SHISA9: variants seen among roughly 807,000 people sequenced by gnomAD.
SHISA9 encodes shisa family member 9.
A neutral mutation model predicts 38.0 loss-of-function variants in SHISA9; 13 were observed. That is an observed-to-expected ratio of 0.34 (90% CI 0.22 to 0.54). The LOEUF (loss-of-function observed/expected upper bound fraction) is 0.54, where lower values mean the gene tolerates loss of function less well. Ranked by LOEUF, SHISA9 falls within the 20% of genes least tolerant of loss-of-function variation. SHISA9 has a pLI of 0.91. For synonymous variants in SHISA9, 275 were observed against 242.0 expected, an observed-to-expected ratio of 1.14 and a Z score of -1.27; for missense variants, 538 against 575.8, an observed-to-expected ratio of 0.93 and a Z score of 0.67.
chr16:13,288,480 A>G, the SHISA9 span, among the ~76,000 whole-genome samples: 17 of 152,176 alleles, frequency 1.1e-4, no homozygotes, highest in African/African-American at 4.1e-4. Context: ...AGAGAGACAA[A>G]GAGAGACAGA....
chr16:13,499,281 T>C, the SHISA9 span, among the ~76,000 whole-genome samples: 5 of 152,066 alleles, frequency 3.3e-5, no homozygotes, highest in Non-Finnish European at 5.9e-5. Flanking sequence ...CCACCAAAAA[T>C]AGGAAAATGA....
At chr16:13,189,937 C>T (rs750204543) in intron 2 of SHISA9, among the ~76,000 whole-genome samples, 5 of 151,906 alleles carry the variant, frequency 3.3e-5, no homozygotes, top group South Asian at 2.1e-4. Flanking sequence ...AGGAGAGGGA[C>T]GCAGAGGGAG....
chr16:13,503,407 T>C, the SHISA9 span, among the ~76,000 whole-genome samples: 1 of 152,236 alleles, frequency 6.6e-6, no homozygotes, highest in Admixed American at 6.5e-5. Flanking sequence ...CATGATTCTA[T>C]GAATTGCTTA....
chr16:12,937,012 C>G (rs138191714), intron 2 of SHISA9, among the ~76,000 whole-genome samples: 1 of 152,088 alleles, frequency 6.6e-6, no homozygotes, highest in African/African-American at 2.4e-5. Context: ...CACAGGATAT[C>G]CCCCAAGTAA....
chr16:13,430,888 C>A, the SHISA9 span, among the ~76,000 whole-genome samples: 11 of 149,026 alleles, frequency 7.4e-5, no homozygotes, highest in East Asian at 2.2e-3. Flanking sequence ...CACTGCACTC[C>A]ATCCTGGGCA....
At chr16:12,994,837 C>G (rs984349223) in intron 2 of SHISA9, among the ~76,000 whole-genome samples, 1 of 152,110 alleles carries the variant, frequency 6.6e-6, no homozygotes, top group Admixed American at 6.6e-5. Context: ...ATAGAGGTCC[C>G]ATTTACTATG....
At chr16:13,174,313 G>C (rs984595835) in intron 2 of SHISA9, among the ~76,000 whole-genome samples, 7 of 152,108 alleles carry the variant, frequency 4.6e-5, no homozygotes, top group African/African-American at 1.7e-4. Context: ...GCTGGGCTCT[G>C]GGAACCCAGA....
At chr16:13,440,253 C>T in the SHISA9 span, among the ~76,000 whole-genome samples, 1 of 152,192 alleles carries the variant, frequency 6.6e-6, no homozygotes, top group South Asian at 2.1e-4. Context: ...CATTTGTATA[C>T]CCTCTAATTC....
chr16:13,425,762 T>C, the SHISA9 span, among the ~76,000 whole-genome samples: 7 of 152,376 alleles, frequency 4.6e-5, no homozygotes, highest in Admixed American at 3.3e-4. Flanking sequence ...TCCTGAACTT[T>C]GTCATTATGG....
At chr16:13,063,473 C>T (rs1443407710) in intron 2 of SHISA9, among the ~76,000 whole-genome samples, 2 of 152,112 alleles carry the variant, frequency 1.3e-5, no homozygotes, top group East Asian at 1.9e-4. Context: ...ATCTTTGAAT[C>T]TCAGTTTTCT....
At chr16:13,026,083 G>A (rs888564083) in intron 2 of SHISA9, among the ~76,000 whole-genome samples, 1 of 152,168 alleles carries the variant, frequency 6.6e-6, no homozygotes, top group African/African-American at 2.4e-5. Context: ...GGGATTACAG[G>A]CGTGAGCCAC....
intron 2 of SHISA9, among the ~76,000 whole-genome samples, chr16:13,033,079 A>C (rs1169404841): frequency 2.0e-5 from 3 of 152,216 alleles, no homozygotes; most frequent in Non-Finnish European, 4.4e-5. Context: ...GCAACCATAC[A>C]GCTTCAAGTC....
the SHISA9 span, among the ~76,000 whole-genome samples, chr16:13,414,353 T>C: frequency 2.6e-5 from 4 of 152,306 alleles, no homozygotes; most frequent in East Asian, 7.7e-4. Context: ...GATTACAATT[T>C]GTTATTGGTG....
intron 2 of SHISA9, among the ~76,000 whole-genome samples, chr16:13,015,853 C>CCTTTCTTTGTTTCTTTCTTTCTTT (rs1555454797): frequency 1.0e-3 from 103 of 98,626 alleles, no homozygotes; most frequent in South Asian, 1.5e-3. Context: ...TCTTTCTTTC[C>CCTTTCTTTGTTTCTTTCTTTCTTT]CTTTCTTTCT....
chr16:12,971,507 GT>G (rs1313441461), intron 2 of SHISA9, among the ~76,000 whole-genome samples: 1 of 152,206 alleles, frequency 6.6e-6, no homozygotes, highest in East Asian at 1.9e-4. Context: ...AGAGGATGGG[GT>G]GGGGAACTGT....
chr16:12,986,009 T>G (rs1050760977), intron 2 of SHISA9, among the ~76,000 whole-genome samples: 1 of 152,208 alleles, frequency 6.6e-6, no homozygotes, highest in Non-Finnish European at 1.5e-5. Context: ...GGGATAAGAT[T>G]GATGTTACCA....
At chr16:13,189,887 A>T (rs901539048) in intron 2 of SHISA9, among the ~76,000 whole-genome samples, 1 of 152,154 alleles carries the variant, frequency 6.6e-6, no homozygotes, top group African/African-American at 2.4e-5. Context: ...ACTGACAATG[A>T]TGGAAGACAA....
At chr16:13,330,967 G>C in the SHISA9 span, among the ~76,000 whole-genome samples, 1 of 152,188 alleles carries the variant, frequency 6.6e-6, no homozygotes, top group Non-Finnish European at 1.5e-5. Flanking sequence ...AGGTAGCCCT[G>C]TGATCCTAGC....
chr16:13,320,630 C>T, the SHISA9 span, among the ~76,000 whole-genome samples: 1 of 152,322 alleles, frequency 6.6e-6, no homozygotes, highest in Admixed American at 6.5e-5. Context: ...ACAATGGCTT[C>T]TTCCAGAGAT....
Sources: gnomAD v4.1 joint callset for allele counts (sites outside exome capture counted in the v4.1 genomes callset) on GRCh38, gnomAD v4.1.1 for gene constraint, MANE v1.5 for transcripts, NCBI Gene and HGNC (gene_info 2026-07-23, HGNC 2026-07-21) for gene names.